MXI1: variants seen among roughly 807,000 people sequenced by gnomAD.
MXI1 encodes the protein max-interacting protein 1.
Under a neutral mutation model 36.9 loss-of-function variants are expected in MXI1, and 18 were observed. The ratio of observed to expected loss-of-function variants is 0.49; its 90% CI spans 0.34 to 0.72. The LOEUF (loss-of-function observed/expected upper bound fraction) is 0.72, where lower values mean the gene tolerates loss of function less well. Among genes scored for constraint, MXI1 ranks in the 30% least tolerant of loss-of-function variants. The pLI is 0.01. For missense variants in MXI1, 304 were observed against 379.1 expected (o/e 0.80, Z 1.64); for synonymous variants, 160 against 146.7 (o/e 1.09, Z -0.65).
At chr10:110,246,123 A>G (rs1855856887) in intron 3 of MXI1, among the ~76,000 whole-genome samples, 1 of 151,986 alleles carries the variant, frequency 6.6e-6, no homozygotes, top group Non-Finnish European at 1.5e-5. Context: ...AGAGTTCGAG[A>G]CCAGCCTGGG....
rs371406685 is a variant in MXI1, at chr10:110,234,133, G to A, written c.407+5812G>A. 3.9e-5 allele frequency among the ~76,000 whole-genome samples: 6 copies of A among 152,124 alleles called. No homozygotes were observed. In the East Asian group the frequency reaches 1.2e-3, roughly 29 times the overall value. On this transcript the variant is annotated intron_variant, in intron 2 of 5. Transcript: ENST00000332674. ...ACTTTATTGTCAAGCTGGATTTTAA[G>A]CAATATATGCATCATTGTTATAATC... is the stretch of plus-strand genomic sequence containing the variant.
At chr10:110,225,957 C>G in intron 1 of MXI1, 1 of 933,522 alleles carries the variant, frequency 1.1e-6, no homozygotes, top group Non-Finnish European at 1.3e-6. Flanking sequence ...CGGGCCCCGG[C>G]GCTGCTCCCG....
At chr10:110,208,992 C>G (rs952073996) in intron 1 of MXI1, among the ~76,000 whole-genome samples, 3 of 150,236 alleles carry the variant, frequency 2.0e-5, no homozygotes, top group Admixed American at 2.0e-4. Context: ...GATTTCTACT[C>G]CCCCCACCCG....
chr10:110,275,377 A>T (rs1016483930), intron 3 of MXI1, among the ~76,000 whole-genome samples: 1 of 152,206 alleles, frequency 6.6e-6, no homozygotes, highest in African/African-American at 2.4e-5. Context: ...CTGGTGGTTA[A>T]GCTTGCAATC....
intron 3 of MXI1, among the ~76,000 whole-genome samples, chr10:110,260,416 GGTGTGTGTGTGTGTGTGTGTGTGT>G (rs151334728): frequency 1.4e-5 from 2 of 144,568 alleles, no homozygotes; most frequent in Non-Finnish European, 3.1e-5. Flanking sequence ...CCTTGATACA[GGTGTGTGTGTGTGTGTGTGTGTGT>G]GTGTGTGTGT....
At chr10:110,227,363 A>G in intron 1 of MXI1, 2 of 968,760 alleles carry the variant, frequency 2.1e-6, no homozygotes, top group Non-Finnish European at 2.4e-6. Context: ...TCGTGAGTGG[A>G]GGCGTGTGTG....
At chr10:110,240,735 A>G (rs1256590639) in intron 2 of MXI1, among the ~76,000 whole-genome samples, 1 of 152,014 alleles carries the variant, frequency 6.6e-6, no homozygotes, top group Non-Finnish European at 1.5e-5. Context: ...TGTAAGCTTT[A>G]GGATACCAGT....
intron 3 of MXI1, among the ~76,000 whole-genome samples, chr10:110,269,362 C>G (rs978854291): frequency 2.6e-5 from 4 of 152,142 alleles, no homozygotes. Flanking sequence ...TTAGTAGGGC[C>G]ACTTTTAAAG....
At chr10:110,214,843 G>GT (rs5787838) in intron 1 of MXI1, among the ~76,000 whole-genome samples, 11,994 of 135,134 alleles carry the variant, frequency 0.089, 961 homozygotes, top group East Asian at 0.34. Flanking sequence ...TGGCTTTTGA[G>GT]TTTTTTTTTT....
chr10:110,235,258 A>G (rs1855415239), intron 2 of MXI1, among the ~76,000 whole-genome samples: 1 of 152,226 alleles, frequency 6.6e-6, no homozygotes, highest in Non-Finnish European at 1.5e-5. Flanking sequence ...CAAAGGAATG[A>G]TGTTTCCAAA....
intron 3 of MXI1, among the ~76,000 whole-genome samples, chr10:110,265,118 G>A (rs1239680013): frequency 6.6e-6 from 1 of 152,170 alleles, no homozygotes; most frequent in Non-Finnish European, 1.5e-5. Context: ...GACAGGTGAA[G>A]GTTTTGATAG....
chr10:110,227,766 C>T (rs2134354588), intron 1 of MXI1: 1 of 182,374 alleles, frequency 5.5e-6, no homozygotes, highest in Non-Finnish European at 1.2e-5. Flanking sequence ...GAGAAAATGT[C>T]TTTCTAAGAC....
intron 1 of MXI1, chr10:110,226,193 T>C (rs1247296426): frequency 6.8e-7 from 1 of 1,463,514 alleles, no homozygotes; most frequent in East Asian, 2.9e-5. Flanking sequence ...GAGGCGCCGG[T>C]CGCCACCCGC....
chr10:110,279,786 T>C, intron 4 of MXI1, 128 bp from the exon 5 acceptor site: 1 of 573,156 alleles, frequency 1.7e-6, no homozygotes, highest in South Asian at 5.4e-5. Context: ...GGCTTTAAAA[T>C]GTATTTATAT....
At chr10:110,274,847 C>A (rs1590403282) in intron 3 of MXI1, among the ~76,000 whole-genome samples, 1 of 149,274 alleles carries the variant, frequency 6.7e-6, no homozygotes, top group East Asian at 1.9e-4. Flanking sequence ...ATGATACTTG[C>A]AGTTTTTTTC....
intron 3 of MXI1, among the ~76,000 whole-genome samples, chr10:110,275,151 A>G (rs893032647): frequency 6.6e-6 from 1 of 152,166 alleles, no homozygotes; most frequent in African/African-American, 2.4e-5. Flanking sequence ...CTGGGATTAC[A>G]GGCATGAGCT....
chr10:110,224,513 A>G lies in MXI1; in HGVS notation c.275-3676A>G, dbSNP rs185303266. ...AGCACGGAACAGAGCTCCTGCTCCA[A>G]GGAGGAATTACCCAGATCAAAATGT... On this transcript the variant is annotated intron_variant, in intron 1 of 5. Transcript: ENST00000332674. Among the ~76,000 whole-genome samples the G allele has an allele frequency of 3.3e-4, 50 of 152,336 alleles. 1 individual carries two copies. The highest frequency in any genetic ancestry group is 1.2e-3 in the African/African-American group (49 of 41,564).
intron 3 of MXI1, among the ~76,000 whole-genome samples, chr10:110,276,799 A>AAGTTTATG (rs1237744517): frequency 1.3e-5 from 2 of 151,910 alleles, no homozygotes; most frequent in African/African-American, 2.4e-5. Context: ...CTTGATGTGA[A>AAGTTTATG]AGTTTATGGA....
chr10:110,250,657 C>A (rs1856045345), intron 3 of MXI1, among the ~76,000 whole-genome samples: 1 of 151,584 alleles, frequency 6.6e-6, no homozygotes, highest in Non-Finnish European at 1.5e-5. Context: ...CATGGTGAAA[C>A]CCCATCTCTA....
Sources: gnomAD v4.1 joint callset for allele counts (sites outside exome capture counted in the v4.1 genomes callset) on GRCh38, gnomAD v4.1.1 for gene constraint, MANE v1.5 for transcripts, NCBI Gene and HGNC (gene_info 2026-07-23, HGNC 2026-07-21) for gene names.